The following SYT16 variants were observed in gnomAD, a reference collection of about 807,000 sequenced individuals.
SYT16 encodes the protein synaptotagmin 16, also known as synaptotagmin-16.
Under a neutral mutation model 61.4 loss-of-function variants are expected in SYT16, and 42 were observed. That is an observed-to-expected ratio of 0.68 (90% CI 0.53 to 0.89). The LOEUF (loss-of-function observed/expected upper bound fraction) is 0.89. Among genes scored for constraint, SYT16 ranks in the 40% least tolerant of loss-of-function variants. SYT16 has a pLI of 0.00. For missense variants in SYT16, 804 were observed against 807.3 expected (o/e 1.00, Z 0.05); for synonymous variants, 314 against 302.3 (o/e 1.04, Z -0.40).
intron 2 of SYT16, among the ~76,000 whole-genome samples, chr14:61,994,195 A>T (rs1253737225): frequency 6.6e-6 from 1 of 152,192 alleles, no homozygotes; most frequent in Admixed American, 6.5e-5. Context: ...AGAAATTCAC[A>T]ATCCCCCATG....
At chr14:61,921,873 C>T (rs186423093) in intron 1 of SYT16, among the ~76,000 whole-genome samples, 1 of 152,288 alleles carries the variant, frequency 6.6e-6, no homozygotes, top group Non-Finnish European at 1.5e-5. Context: ...GATTAAGAGA[C>T]AGGACTTGGC....
chr14:62,006,034 G>C (rs1566757514), intron 3 of SYT16, among the ~76,000 whole-genome samples: 1 of 152,192 alleles, frequency 6.6e-6, no homozygotes, highest in East Asian at 1.9e-4. Context: ...TGATGTGATA[G>C]AGCCCACTAA....
chr14:62,043,006 GTGGTAAATT>G (rs2054800030), intron 3 of SYT16, among the ~76,000 whole-genome samples: 1 of 151,876 alleles, frequency 6.6e-6, no homozygotes, highest in Non-Finnish European at 1.5e-5. Flanking sequence ...TGTCTATGTG[GTGGTAAATT>G]TGGTACTTGT....
At chr14:62,095,377 T>C (rs987557091) in intron 7 of SYT16, among the ~76,000 whole-genome samples, 1 of 151,994 alleles carries the variant, frequency 6.6e-6, no homozygotes, top group African/African-American at 2.4e-5. Context: ...GAAAATCTTA[T>C]TATCAACATT....
chr14:61,943,578 A>G (rs2050296793), intron 1 of SYT16, among the ~76,000 whole-genome samples: 2 of 152,356 alleles, frequency 1.3e-5, no homozygotes, highest in South Asian at 2.1e-4. Flanking sequence ...CTGGTTCAAC[A>G]TATGCAAATC....
At chr14:62,050,633 C>T (rs28836854) in intron 3 of SYT16, among the ~76,000 whole-genome samples, 6,620 of 152,154 alleles carry the variant, frequency 0.044, 436 homozygotes, top group African/African-American at 0.15. Context: ...ATGATGGTGA[C>T]GTACAGATGG....
chr14:62,046,480 G>T (rs916628445), intron 3 of SYT16, among the ~76,000 whole-genome samples: 39 of 152,156 alleles, frequency 2.6e-4, no homozygotes, highest in African/African-American at 8.4e-4. Context: ...TGCCAATTTT[G>T]GCTTTTGTTG....
rs908451747 is a variant in SYT16 at position 62,107,591 on chromosome 14, G to A, written c.*6884G>A. The A allele has an allele frequency of 2.0e-5, 3 of 152,192 alleles. No individual in the cohort carries two copies. The highest frequency in any genetic ancestry group is 4.4e-5 in the Non-Finnish European group (3 of 68,010). 9.4% of individuals were successfully genotyped at this position (152,192 alleles called of 1,614,324 possible). ...AACTAGAGTCTGATAAGAAATCTAGGTAAATAATAAGATCTTTTATTAACC... is the reference window on the plus strand; with the variant it reads ...AACTAGAGTCTGATAAGAAATCTAGATAAATAATAAGATCTTTTATTAACC... On this transcript the variant is annotated 3_prime_UTR_variant, in exon 8 of 8. Coordinates refer to ENST00000683842, the MANE Select transcript of SYT16 (RefSeq NM_001367656.1).
At chr14:61,852,626 T>C (rs2046650701) in intron 1 of SYT16, among the ~76,000 whole-genome samples, 1 of 152,182 alleles carries the variant, frequency 6.6e-6, no homozygotes, top group Non-Finnish European at 1.5e-5. Context: ...CTTGAAGAGG[T>C]TCTTCGCTTC....
At chr14:61,941,939 G>A (rs1434808103) in intron 1 of SYT16, among the ~76,000 whole-genome samples, 1 of 152,136 alleles carries the variant, frequency 6.6e-6, no homozygotes, top group Non-Finnish European at 1.5e-5. Flanking sequence ...CCTTTGCCTG[G>A]CAAGGCTTCT....
intron 3 of SYT16, among the ~76,000 whole-genome samples, chr14:62,039,086 T>A (rs2054614882): frequency 6.6e-6 from 1 of 152,184 alleles, no homozygotes; most frequent in Non-Finnish European, 1.5e-5. Flanking sequence ...TAACTTGGGT[T>A]TTTAAAATTC....
intron 3 of SYT16, among the ~76,000 whole-genome samples, chr14:62,065,252 A>T (rs1450747683): frequency 6.6e-6 from 1 of 152,218 alleles, no homozygotes; most frequent in Non-Finnish European, 1.5e-5. Context: ...AGGGACATAG[A>T]TGCTACGCTT....
At chr14:62,054,251 G>C (rs2055438090) in intron 3 of SYT16, among the ~76,000 whole-genome samples, 1 of 150,990 alleles carries the variant, frequency 6.6e-6, no homozygotes, top group African/African-American at 2.4e-5. Flanking sequence ...ATCATTTGGG[G>C]GCTGCTATTC....
intron 1 of SYT16, among the ~76,000 whole-genome samples, chr14:61,930,515 A>G (rs1236751757): frequency 1.3e-5 from 2 of 151,782 alleles, no homozygotes; most frequent in Admixed American, 6.6e-5. Flanking sequence ...CCCTTTGGCC[A>G]TTGCCATCCT....
rs535646643 is a variant in SYT16 at position 62,078,388 on chromosome 14, G to A, written c.994-2446G>A. On this transcript the variant is annotated intron_variant, in intron 5 of 7. Coordinates refer to ENST00000683842, the MANE Select transcript of SYT16 (RefSeq NM_001367656.1). Reference sequence around the variant, plus strand: ...TGATCTGGGCTTGGGGGGAGAGAGCGTGTTAGTTATTTAGTCTTTCTAAGC... The same window carrying A: ...TGATCTGGGCTTGGGGGGAGAGAGCATGTTAGTTATTTAGTCTTTCTAAGC... Among the ~76,000 whole-genome samples the A allele has an allele frequency of 4.6e-5, 7 of 152,192 alleles. No homozygotes were observed. In the South Asian group the frequency reaches 8.3e-4, roughly 18 times the overall value.
At chr14:62,045,658 T>G (rs1425114337) in intron 3 of SYT16, among the ~76,000 whole-genome samples, 2 of 152,158 alleles carry the variant, frequency 1.3e-5, no homozygotes, top group Admixed American at 6.5e-5. Flanking sequence ...TGTGTCCATG[T>G]GTTCTCATTG....
chr14:62,021,989 A>G (rs969611227), intron 3 of SYT16, among the ~76,000 whole-genome samples: 3 of 151,374 alleles, frequency 2.0e-5, no homozygotes, highest in African/African-American at 7.3e-5. Flanking sequence ...CTAAAAGCCA[A>G]GTGCTTTCTA....
At position 62,100,389 on chromosome 14, in the gene SYT16, C is replaced by A; in HGVS notation, c.1625-5C>A. On this transcript the variant is annotated splice_region_variant and splice_polypyrimidine_tract_variant and intron_variant, in intron 7 of 7. Coordinates refer to ENST00000683842, the MANE Select transcript of SYT16 (RefSeq NM_001367656.1). ...CCCCACCCCACCCTTTTTTTTTTGT[C>A]TTAGATACATATGGAAAACTCTTTC... The A allele has an allele frequency of 6.4e-7, 1 of 1,567,788 alleles. No homozygotes were observed. Among genetic ancestry groups the A allele is most frequent in the South Asian group, 1.2e-5 (1 of 83,932 alleles).
In SYT16 at chr14:61,959,051, A is replaced by G. The variant is rs191521271; in HGVS notation, c.-324-11081A>G. ...TTTTGTCTTAGTGTCCATTTTGTCT[A>G]ATATGAGTATAGCCACTTTGCTGTC... On this transcript the variant is annotated intron_variant, in intron 1 of 7. Coordinates refer to ENST00000683842, the MANE Select transcript of SYT16 (RefSeq NM_001367656.1). 5.4e-3 allele frequency among the ~76,000 whole-genome samples: 821 copies of G among 152,216 alleles called. 8 individuals carry two copies. The highest frequency in any genetic ancestry group is 5.9e-3 in the Non-Finnish European group (404 of 67,976).
Sources: allele counts gnomAD v4.1 joint callset (sites outside exome capture counted in the v4.1 genomes callset), GRCh38; gene constraint gnomAD v4.1.1; transcripts MANE v1.5; gene names NCBI Gene and HGNC (gene_info 2026-07-23, HGNC 2026-07-21).